The following WDFY3 variants were observed in gnomAD, a reference collection of about 807,000 sequenced individuals.
WDFY3 encodes the protein WD repeat and FYVE domain containing 3.
A neutral mutation model predicts 409.6 loss-of-function variants in WDFY3; 66 were observed. The observed-to-expected ratio is 0.16, with a 90% CI of 0.13 to 0.20. The LOEUF (loss-of-function observed/expected upper bound fraction) is 0.20. Ranked by LOEUF, WDFY3 falls within the 10% of genes least tolerant of loss-of-function variation. WDFY3 has a pLI of 1.00. For missense variants in WDFY3, 3,031 were observed against 4,298.1 expected (o/e 0.71, Z 8.24); for synonymous variants, 1,521 against 1,537.1 (o/e 0.99, Z 0.25).
chr4:84,826,738 G>C, intron 10 of WDFY3, 77 bp downstream of exon 10: 2 of 1,421,096 alleles, frequency 1.4e-6, no homozygotes, highest in Non-Finnish European at 1.9e-6. Flanking sequence ...GAAACAAAAA[G>C]TAATATACCA....
At chr4:84,943,468 C>T (rs1351143806) in intron 1 of WDFY3, among the ~76,000 whole-genome samples, 2 of 151,920 alleles carry the variant, frequency 1.3e-5, no homozygotes, top group Middle Eastern at 3.2e-3. Context: ...CACACCACTG[C>T]ACTCCAGCCT....
intron 36 of WDFY3, among the ~76,000 whole-genome samples, chr4:84,749,521 C>A (rs1483243603): frequency 6.6e-6 from 1 of 152,166 alleles, no homozygotes; most frequent in Non-Finnish European, 1.5e-5. Flanking sequence ...TTAAGTGAAA[C>A]AATGTACAGC....
chr4:84,950,663 G>A (rs1430885463), intron 1 of WDFY3, among the ~76,000 whole-genome samples: 3 of 152,084 alleles, frequency 2.0e-5, no homozygotes, highest in African/African-American at 7.2e-5. Context: ...GGTGGCATGC[G>A]CCTGTAGTCC....
chr4:84,682,078 G>A (rs1225668806), intron 64 of WDFY3, among the ~76,000 whole-genome samples: 1 of 152,214 alleles, frequency 6.6e-6, no homozygotes, highest in Non-Finnish European at 1.5e-5. Context: ...CTCTAGGTCT[G>A]TTGTGTGTTT....
At chr4:84,688,515 C>T (rs1018680439) in intron 61 of WDFY3, among the ~76,000 whole-genome samples, 1 of 152,148 alleles carries the variant, frequency 6.6e-6, no homozygotes, top group Non-Finnish European at 1.5e-5. Flanking sequence ...CACATTAGTT[C>T]TTTCCTGGAG....
At chr4:84,929,538 G>A (rs1054444565) in intron 2 of WDFY3, among the ~76,000 whole-genome samples, 2 of 151,466 alleles carry the variant, frequency 1.3e-5, no homozygotes, top group Admixed American at 1.3e-4. Context: ...TTTGAAGCTA[G>A]GGTCTTTAAA....
In WDFY3 at chr4:84,672,413, T is replaced by G. The variant is rs1001097383; in HGVS notation, c.*455A>C. The G allele has an allele frequency of 5.9e-5, 9 of 152,600 alleles. No individual in the cohort carries two copies. The highest frequency in any genetic ancestry group is 2.2e-4 in the African/African-American group (9 of 41,462). 9.5% of individuals were successfully genotyped at this position (152,600 alleles called of 1,614,324 possible). ...TTTCATGTTACAGGCAGTTAAGTCCTTATTTAGAAAAAAGGCCTTTTATAT... is the reference window on the plus strand; with the variant it reads ...TTTCATGTTACAGGCAGTTAAGTCCGTATTTAGAAAAAAGGCCTTTTATAT... On this transcript the variant is annotated 3_prime_UTR_variant, in exon 68 of 68. Coordinates refer to ENST00000295888, the MANE Select transcript of WDFY3 (RefSeq NM_014991.6).
At position 84,726,878 on chromosome 4, in the gene WDFY3, C is replaced by T. The variant is rs769956156; in HGVS notation, c.7255G>A (p.Asp2419Asn). Residue 2419 changes from aspartate to asparagine, a missense_variant, in exon 45 of 68, where the codon GAT (aspartate) becomes AAT (asparagine). Around this residue, in one of 16 missense-constraint regions of WDFY3, gnomAD observed 127 missense variants for 144.4 expected, o/e 0.88. Coordinates refer to ENST00000295888, the MANE Select transcript of WDFY3 (RefSeq NM_014991.6). ...TGTTTTACCTTTTGAGGAATATCAT[C>T]GGGTGTCTCAGGCTGTTTACTTGGG... Reference protein sequence around the residue: ...EIPSKQPETPDDIPQKKPARY... With the variant: ...EIPSKQPETPNDIPQKKPARY... 7.5e-6 allele frequency: 12 copies of T among 1,607,924 alleles called. No individual in the cohort carries two copies. Among genetic ancestry groups the T allele is most frequent in the African/African-American group, 4.0e-5 (3 of 74,268 alleles).
chr4:84,948,005 C>T (rs763748591), intron 1 of WDFY3, among the ~76,000 whole-genome samples: 2 of 152,124 alleles, frequency 1.3e-5, no homozygotes, highest in Non-Finnish European at 1.5e-5. Flanking sequence ...AGTATGAGTC[C>T]CATTAATTCC....
At chr4:84,919,740 T>A (rs1347254628) in intron 2 of WDFY3, among the ~76,000 whole-genome samples, 1 of 152,194 alleles carries the variant, frequency 6.6e-6, no homozygotes, top group Non-Finnish European at 1.5e-5. Context: ...CCACCATGAT[T>A]GTAAGTTTCC....
At chr4:84,915,960 T>C (rs966376550) in intron 2 of WDFY3, among the ~76,000 whole-genome samples, 5 of 152,222 alleles carry the variant, frequency 3.3e-5, no homozygotes, top group African/African-American at 9.6e-5. Flanking sequence ...ATGAAGAACC[T>C]GTTTCATAAT....
intron 51 of WDFY3, among the ~76,000 whole-genome samples, chr4:84,709,961 A>T (rs1732612994): frequency 6.6e-6 from 1 of 152,190 alleles, no homozygotes; most frequent in Non-Finnish European, 1.5e-5. Flanking sequence ...ACCTCAGGTG[A>T]TCCTCCCACC....
chr4:84,764,448 C>A lies in WDFY3; in HGVS notation c.5188+1362G>T, dbSNP rs1743250870. Among the ~76,000 whole-genome samples the A allele has an allele frequency of 1.3e-5, 2 of 152,148 alleles. 1 individual carries two copies. Among genetic ancestry groups the A allele is most frequent in the Non-Finnish European group, 2.9e-5 (2 of 68,020 alleles). On this transcript the variant is annotated intron_variant, in intron 32 of 67. Coordinates refer to ENST00000295888, the MANE Select transcript of WDFY3 (RefSeq NM_014991.6). Reference sequence around the variant, plus strand: ...TGTATATTATAAAGCAGACAATTTTCTTTAGAAATCATTTCACTGTGACAT... The same window carrying A: ...TGTATATTATAAAGCAGACAATTTTATTTAGAAATCATTTCACTGTGACAT...
chr4:84,809,709 A>G (rs546741518), intron 14 of WDFY3, 178 bp downstream of exon 14: 1 of 561,366 alleles, frequency 1.8e-6, no homozygotes, highest in African/African-American at 2.0e-5. Context: ...TGCTAAAAAA[A>G]AAAAAAAACA....
intron 4 of WDFY3, among the ~76,000 whole-genome samples, chr4:84,854,347 T>A (rs933976536): frequency 1.3e-5 from 2 of 152,162 alleles, no homozygotes; most frequent in Non-Finnish European, 2.9e-5. Flanking sequence ...ATAGAGGAAC[T>A]AAAGCATGAA....
At chr4:84,837,142 T>A (rs1216218186) in intron 6 of WDFY3, 52 bp from the exon 7 acceptor site, 1 of 1,350,430 alleles carries the variant, frequency 7.4e-7, no homozygotes, top group Non-Finnish European at 9.7e-7. Context: ...CTATAATTGG[T>A]ACAGCCAAAT....
At chr4:84,687,914 C>T in intron 62 of WDFY3, 172 bp downstream of exon 62, 1 of 673,298 alleles carries the variant, frequency 1.5e-6, no homozygotes, top group Non-Finnish European at 2.6e-6. Context: ...AGTGCAGACA[C>T]CTGATGGGTA....
intron 3 of WDFY3, among the ~76,000 whole-genome samples, chr4:84,870,086 T>C (rs925838270): frequency 3.3e-5 from 5 of 152,204 alleles, no homozygotes; most frequent in Admixed American, 2.6e-4. Context: ...TCATTTGCGA[T>C]ACTGAAAAAG....
chr4:84,758,205 T>C (rs1035107103), intron 32 of WDFY3, among the ~76,000 whole-genome samples: 3 of 152,186 alleles, frequency 2.0e-5, no homozygotes, highest in Admixed American at 6.5e-5. Context: ...GAGGAACTGA[T>C]TTCGGTCTGA....
Sources: gnomAD v4.1 joint callset for allele counts (sites outside exome capture counted in the v4.1 genomes callset) on GRCh38, gnomAD v4.1.1 for gene constraint, gnomAD v4.1.1 regional missense constraint, MANE v1.5 for transcripts, NCBI Gene and HGNC (gene_info 2026-07-23, HGNC 2026-07-21) for gene names.